EYA2: variants seen among roughly 807,000 people sequenced by gnomAD.
EYA2 encodes the protein EYA transcriptional coactivator and phosphatase 2, also known as protein phosphatase EYA2.
A neutral mutation model predicts 69.2 loss-of-function variants in EYA2; 31 were observed. The ratio of observed to expected loss-of-function variants is 0.45; its 90% CI spans 0.34 to 0.60. EYA2 has a LOEUF of 0.60. EYA2 is among the 20% of genes least tolerant of loss of function. EYA2 has a pLI of 0.02. For synonymous variants in EYA2, 257 were observed against 279.4 expected (o/e 0.92, Z 0.80); for missense variants, 622 against 701.2 (o/e 0.89, Z 1.28).
intron 2 of EYA2, chr20:46,998,589 A>C (rs1171104512): frequency 2.0e-5 from 3 of 152,028 alleles, no homozygotes; most frequent in African/African-American, 7.3e-5. Flanking sequence ...CACCCTTGAC[A>C]GTGTCCCATC....
intron 1 of EYA2, among the ~76,000 whole-genome samples, chr20:46,985,696 T>A (rs1324405811): frequency 6.6e-6 from 1 of 152,220 alleles, no homozygotes; most frequent in East Asian, 1.9e-4. Context: ...GGAGCCCATA[T>A]GCCTTGACTT....
intron 1 of EYA2, among the ~76,000 whole-genome samples, chr20:46,920,033 T>A (rs896622114): frequency 6.6e-5 from 10 of 152,200 alleles, no homozygotes; most frequent in African/African-American, 2.2e-4. Context: ...AAGTTCACCA[T>A]CTTATATGGG....
chr20:47,003,048 T>G (rs1442742958), intron 3 of EYA2, among the ~76,000 whole-genome samples: 1 of 152,224 alleles, frequency 6.6e-6, no homozygotes, highest in East Asian at 1.9e-4. Context: ...TGGAATCAGA[T>G]ACAGATTGGG....
rs147098180 is a variant in EYA2 at position 47,076,633 on chromosome 20, C to T, written c.661+2298C>T. 2.7e-3 allele frequency among the ~76,000 whole-genome samples: 411 copies of T among 152,180 alleles called. 1 individual carries two copies. The highest frequency in any genetic ancestry group is 9.3e-3 in the African/African-American group (388 of 41,534). On this transcript the variant is annotated intron_variant, in intron 7 of 15. Transcript: ENST00000327619. ...GCCAAGATTTTTTGGCTTCAAAAGA[C>T]ATAGAAAATCCAATTCAAACTAGTT...
chr20:47,002,695 C>T (rs1982455777), intron 3 of EYA2, among the ~76,000 whole-genome samples: 1 of 152,176 alleles, frequency 6.6e-6, no homozygotes, highest in Non-Finnish European at 1.5e-5. Context: ...TCTTCCTCCT[C>T]TACCATTCAC....
At chr20:47,179,994 G>A in intron 13 of EYA2, 82 bp downstream of exon 13, 2 of 958,722 alleles carry the variant, frequency 2.1e-6, no homozygotes, top group Non-Finnish European at 3.3e-6. Context: ...TCCACACTTG[G>A]GAGAATTGGA....
At chr20:47,066,280 T>C (rs2146462530) in intron 5 of EYA2, among the ~76,000 whole-genome samples, 1 of 152,082 alleles carries the variant, frequency 6.6e-6, no homozygotes. Flanking sequence ...TGCAGTGAGC[T>C]GTGATCATGC....
At chr20:47,161,995 G>A (rs2034078140) in intron 10 of EYA2, among the ~76,000 whole-genome samples, 1 of 152,126 alleles carries the variant, frequency 6.6e-6, no homozygotes, top group African/African-American at 2.4e-5. Context: ...CCAAGATCAA[G>A]GTTGGTTCCT....
chr20:47,127,642 G>A (rs1038287896), intron 9 of EYA2, among the ~76,000 whole-genome samples: 1 of 152,238 alleles, frequency 6.6e-6, no homozygotes, highest in African/African-American at 2.4e-5. Context: ...GCTGAGGGAT[G>A]TGTTCAGAGA....
chr20:46,951,139 G>A (rs1405274929), intron 1 of EYA2, among the ~76,000 whole-genome samples: 1 of 152,218 alleles, frequency 6.6e-6, no homozygotes, highest in African/African-American at 2.4e-5. Context: ...GGTAGTGACA[G>A]CATCAGCCAC....
At chr20:46,927,541 C>T (rs528236657) in intron 1 of EYA2, among the ~76,000 whole-genome samples, 1 of 152,234 alleles carries the variant, frequency 6.6e-6, no homozygotes, top group African/African-American at 2.4e-5. Flanking sequence ...CAAAAGGGCA[C>T]ATCTTACATG....
At chr20:47,034,426 G>A (rs181317822) in intron 5 of EYA2, among the ~76,000 whole-genome samples, 358 of 152,266 alleles carry the variant, frequency 2.4e-3, no homozygotes, top group Middle Eastern at 6.8e-3. Context: ...AAAACTGTGT[G>A]GGGGCAGGGA....
chr20:46,976,470 C>T (rs947057128), intron 1 of EYA2, among the ~76,000 whole-genome samples: 2 of 152,182 alleles, frequency 1.3e-5, no homozygotes, highest in Non-Finnish European at 2.9e-5. Flanking sequence ...ACTGCAAACT[C>T]CGCCTCCCGG....
At chr20:46,940,699 CG>C (rs1200248840) in intron 1 of EYA2, among the ~76,000 whole-genome samples, 1 of 152,172 alleles carries the variant, frequency 6.6e-6, no homozygotes, top group Non-Finnish European at 1.5e-5. Flanking sequence ...CACAGCGCTC[CG>C]GGAGGGAAGG....
rs1328621269 is a variant in EYA2 at position 46,978,579 on chromosome 20, C to T, written c.-10-11422C>T. 3 of 534,688 alleles carry T rather than the reference C, an allele frequency of 5.6e-6. No homozygotes were observed. In the African/African-American group the frequency reaches 5.8e-5, roughly 10 times the overall value. 33.1% of individuals were successfully genotyped at this position (534,688 alleles called of 1,614,324 possible). A position where few individuals can be genotyped will look rare whatever the true frequency, so the allele number is the denominator to read the frequency against. Reference sequence around the variant, plus strand: ...AGCCAGATCAAGGCTGTGTTCGGAACTCTTTGCTTTATCTTAAGAGCAATG... The same window carrying T: ...AGCCAGATCAAGGCTGTGTTCGGAATTCTTTGCTTTATCTTAAGAGCAATG... On this transcript the variant is annotated intron_variant, in intron 1 of 15. Transcript: ENST00000327619.
chr20:47,172,827 G>C lies in EYA2; in HGVS notation c.1158G>C (p.Arg386=), dbSNP rs2034350943. Reference sequence around the variant, plus strand: ...GGAAGCTGGCCTTCCGCTACCGGCGGGTGAAGGAGATGTACAATACCTACA... The same window carrying C: ...GGAAGCTGGCCTTCCGCTACCGGCGCGTGAAGGAGATGTACAATACCTACA... ...WMRKLAFRYR[R]VKEMYNTYKN... is the part of the protein sequence containing the mutation. Residue 386 remains arginine, a synonymous_variant, in exon 12 of 16, where the codon CGG becomes CGC. Coordinates refer to ENST00000327619, the MANE Select transcript of EYA2 (RefSeq NM_005244.5). 2 of 1,613,848 alleles carry C rather than the reference G, an allele frequency of 1.2e-6. No homozygotes were observed. Among genetic ancestry groups the C allele is most frequent in the Admixed American group, 1.7e-5 (1 of 59,978 alleles).
chr20:47,146,900 C>G (rs2033713635), intron 10 of EYA2, among the ~76,000 whole-genome samples: 1 of 152,206 alleles, frequency 6.6e-6, no homozygotes, highest in Admixed American at 6.5e-5. Context: ...CATTGACCTT[C>G]CAGTTCAGGA....
intron 1 of EYA2, among the ~76,000 whole-genome samples, chr20:46,981,090 A>G (rs915193820): frequency 6.6e-6 from 1 of 152,070 alleles, no homozygotes; most frequent in African/African-American, 2.4e-5. Context: ...GAATGATTTC[A>G]CGTTTTCTTG....
chr20:46,960,768 A>G (rs946670985), intron 1 of EYA2, among the ~76,000 whole-genome samples: 11 of 152,216 alleles, frequency 7.2e-5, no homozygotes, highest in Non-Finnish European at 1.5e-4. Flanking sequence ...AAAGCCTGAA[A>G]TCTTCACCGT....
Sources: allele counts gnomAD v4.1 joint callset (sites outside exome capture counted in the v4.1 genomes callset), GRCh38; gene constraint gnomAD v4.1.1; transcripts MANE v1.5; gene names NCBI Gene and HGNC (gene_info 2026-07-23, HGNC 2026-07-21).